Variants in DDX60L observed in about 807,000 individuals in gnomAD.
DDX60L encodes probable ATP-dependent RNA helicase DDX60-like.
A neutral mutation model predicts 211.6 loss-of-function variants in DDX60L; 191 were observed. That is an observed-to-expected ratio of 0.90 (90% CI 0.80 to 1.02). The LOEUF is 1.02. Ranked by LOEUF, DDX60L falls within the 50% of genes least tolerant of loss-of-function variation. DDX60L has a pLI of 0.00. For missense variants in DDX60L, 2,007 were observed against 1,984.1 expected, an observed-to-expected ratio of 1.01 and a Z score of -0.22; for synonymous variants, 706 against 694.1, an observed-to-expected ratio of 1.02 and a Z score of -0.27.
At chr4:168,438,617 A>G (rs1360071944) in intron 10 of DDX60L, among the ~76,000 whole-genome samples, 20 of 152,226 alleles carry the variant, frequency 1.3e-4, no homozygotes, top group Non-Finnish European at 1.5e-5. Flanking sequence ...TTCAGACATT[A>G]ACCTCCAGAC....
chr4:168,427,695 A>G (rs1751683619), intron 13 of DDX60L, among the ~76,000 whole-genome samples: 2 of 152,206 alleles, frequency 1.3e-5, no homozygotes, highest in Admixed American at 1.3e-4. Context: ...CCACCCCACA[A>G]AGCATTTTGG....
In DDX60L at chr4:168,423,743, A is replaced by G. The variant is rs753849075; in HGVS notation, c.1962T>C (p.Val654=). 1 of 1,600,140 alleles carries G rather than the reference A, an allele frequency of 6.2e-7. No individual in the cohort carries two copies. The highest frequency in any genetic ancestry group is 1.1e-5 in the South Asian group (1 of 87,366). ...GTGAATGAATCCTTTTCATCATTTG[A>G]ACAGCTATACTTAAATCTTTCGAAA... ...GKISKDLSIA[V]QMMKRIHSLL... is the part of the protein sequence containing the mutation. The change falls in exon 15 of 38, where the codon GTT becomes GTC. Residue 654 remains valine (V), a synonymous_variant. Coordinates refer to ENST00000682922, the MANE Select transcript of DDX60L (RefSeq NM_001012967.3).
intron 1 of DDX60L, 41 bp from the exon 2 acceptor site, chr4:168,472,850 A>C: frequency 1.2e-6 from 1 of 806,252 alleles, no homozygotes; most frequent in Admixed American, 3.0e-5. Flanking sequence ...TATTCCTAAA[A>C]CAAAGAAATG....
intron 9 of DDX60L, among the ~76,000 whole-genome samples, chr4:168,443,409 C>T (rs1182532253): frequency 6.6e-6 from 1 of 151,788 alleles, no homozygotes. Flanking sequence ...GATTGGTGTA[C>T]CTGAAAGTGA....
At chr4:168,428,175 G>A (rs1423364894) in intron 13 of DDX60L, among the ~76,000 whole-genome samples, 3 of 152,220 alleles carry the variant, frequency 2.0e-5, no homozygotes, top group African/African-American at 4.8e-5. Flanking sequence ...GCCTGAGCCA[G>A]CCCCACCTGG....
chr4:168,455,981 C>G, intron 7 of DDX60L, 58 bp downstream of exon 7: 1 of 1,176,334 alleles, frequency 8.5e-7, no homozygotes, highest in South Asian at 1.5e-5. Flanking sequence ...TGAAGTTATA[C>G]CAGTTACACC....
intron 7 of DDX60L, among the ~76,000 whole-genome samples, chr4:168,454,679 A>C (rs904151956): frequency 6.6e-6 from 1 of 151,652 alleles, no homozygotes; most frequent in Non-Finnish European, 1.5e-5. Context: ...GGAAAGAATC[A>C]AGAAGGAAGA....
chr4:168,432,439 T>C lies in DDX60L; in HGVS notation c.1516+16A>G. The stretch of plus-strand genomic sequence containing the variant: ...AATTCATATAAGCTCTATTTTATCG[T>C]GGTTACAGAGCTCACCATCAACATG... On this transcript the variant is annotated intron_variant, in intron 12 of 37. Coordinates refer to ENST00000682922, the MANE Select transcript of DDX60L (RefSeq NM_001012967.3). The C allele has an allele frequency of 6.9e-7, 1 of 1,446,770 alleles. No homozygotes were observed. Among genetic ancestry groups the C allele is most frequent in the Non-Finnish European group, 9.4e-7 (1 of 1,065,372 alleles). The allele number at this position is 1,446,770 out of a possible 1,614,324, so 89.6% of individuals were successfully genotyped here. A position where few individuals can be genotyped will look rare whatever the true frequency, so the allele number is the denominator to read the frequency against.
intron 36 of DDX60L, among the ~76,000 whole-genome samples, chr4:168,364,871 A>C (rs1739702460): frequency 6.6e-6 from 1 of 152,182 alleles, no homozygotes; most frequent in Non-Finnish European, 1.5e-5. Context: ...AGCAACAAGA[A>C]ATGCTCTGGA....
chr4:168,385,361 G>T (rs1180635893), intron 29 of DDX60L, among the ~76,000 whole-genome samples: 2 of 152,182 alleles, frequency 1.3e-5, no homozygotes, highest in South Asian at 4.1e-4. Context: ...CCCTCAGAGG[G>T]CATGGAAGCT....
intron 15 of DDX60L, 116 bp from the exon 16 acceptor site, chr4:168,422,786 A>G: frequency 1.2e-6 from 1 of 811,462 alleles, no homozygotes; most frequent in Non-Finnish European, 1.9e-6. Flanking sequence ...ACTTTTTTTT[A>G]TTTTTTTGAG....
intron 29 of DDX60L, among the ~76,000 whole-genome samples, chr4:168,390,690 T>C (rs1744651340): frequency 1.3e-5 from 2 of 151,956 alleles, no homozygotes; most frequent in Non-Finnish European, 2.9e-5. Flanking sequence ...TCCCTTTGAC[T>C]TACAATATAT....
intron 14 of DDX60L, among the ~76,000 whole-genome samples, chr4:168,424,714 C>T (rs558213524): frequency 6.6e-6 from 1 of 152,042 alleles, no homozygotes; most frequent in South Asian, 2.1e-4. Context: ...AGAATTTAGG[C>T]CAATAGAGAC....
In DDX60L at chr4:168,375,429, A is replaced by G. The variant is rs1434157684; in HGVS notation, c.4581T>C (p.Ala1527=). 5.0e-6 allele frequency: 8 copies of G among 1,612,874 alleles called. No homozygotes were observed. The African/African-American group carries it at 9.3e-5, about 19-fold the overall frequency. ...MKDFASFLLI[A]SKSVNMKKEH... is the part of the protein sequence containing the mutation. ...CTTTTTTCATGTTCACCGACTTGGA[A>G]GCAATCAGCAGGAAGGAGGCAAAAT... Residue 1527 remains alanine, a synonymous_variant, in exon 34 of 38, where the codon GCT becomes GCC. Transcript: ENST00000682922.
intron 36 of DDX60L, among the ~76,000 whole-genome samples, chr4:168,362,232 T>C (rs1381724692): frequency 2.0e-5 from 3 of 152,296 alleles, no homozygotes; most frequent in Non-Finnish European, 2.9e-5. Context: ...TGACAGCCAG[T>C]TCAGCAGAGG....
intron 26 of DDX60L, among the ~76,000 whole-genome samples, chr4:168,398,090 A>G (rs941701735): frequency 6.6e-6 from 1 of 152,036 alleles, no homozygotes; most frequent in African/African-American, 2.4e-5. Flanking sequence ...CCAAGCTGCA[A>G]CTGTGGACCC....
chr4:168,370,565 G>A (rs1444743554), intron 36 of DDX60L, among the ~76,000 whole-genome samples: 1 of 152,102 alleles, frequency 6.6e-6, no homozygotes, highest in Non-Finnish European at 1.5e-5. Context: ...AGATTACAAA[G>A]TAGCCAGAAG....
In DDX60L at chr4:168,357,330, T is replaced by C. The variant is rs556227243; in HGVS notation, c.*817A>G. ...TACTCCAAGTGACTGTTTTAGTCAA[T>C]TCAGACTGCTTCAACAGAAAACCAC... On this transcript the variant is annotated 3_prime_UTR_variant, in exon 38 of 38. Coordinates refer to ENST00000682922, the MANE Select transcript of DDX60L (RefSeq NM_001012967.3). 1 of 152,314 alleles carries C rather than the reference T, an allele frequency of 6.6e-6. No individual in the cohort carries two copies. The highest frequency in any genetic ancestry group is 1.9e-4 in the East Asian group (1 of 5,184). 9.4% of individuals were successfully genotyped at this position (152,314 alleles called of 1,614,324 possible).
rs1326950187 is a variant in DDX60L, at chr4:168,415,689, G to T, written c.2837C>A (p.Ser946Ter). ...DKCLNFLQDH[S>*]YKNQSYEVRL... ...AACTTCATATGATTGATTTTTATAT[G>T]AATGGTCTTGGAGAAAGTTGAGACA... The change falls in exon 21 of 38, where the codon TCA becomes TAA. Residue 946 changes from serine to a stop codon, truncating the protein, a stop_gained. Transcript: ENST00000682922. LOFTEE classifies it high-confidence loss of function. 2 of 1,597,756 alleles carry T rather than the reference G, an allele frequency of 1.3e-6. No homozygotes were observed. The highest frequency in any genetic ancestry group is 8.5e-7 in the Non-Finnish European group (1 of 1,171,616).
Sources: gnomAD v4.1 joint callset for allele counts (sites outside exome capture counted in the v4.1 genomes callset) on GRCh38, gnomAD v4.1.1 for gene constraint, MANE v1.5 for transcripts, NCBI Gene and HGNC (gene_info 2026-07-23, HGNC 2026-07-21) for gene names.